DTNB: variants seen among roughly 807,000 people sequenced by gnomAD.
DTNB encodes dystrobrevin beta.
Under a neutral mutation model 90.7 loss-of-function variants are expected in DTNB, and 63 were observed. That is an observed-to-expected ratio of 0.69 (90% CI 0.57 to 0.86). The LOEUF (loss-of-function observed/expected upper bound fraction) is 0.86. Among genes scored for constraint, DTNB ranks in the 40% least tolerant of loss-of-function variants. DTNB has a pLI of 0.00. For missense variants in DTNB, 744 were observed against 807.1 expected, an observed-to-expected ratio of 0.92 and a Z score of 0.95; for synonymous variants, 277 against 286.7, an observed-to-expected ratio of 0.97 and a Z score of 0.34.
chr2:25,600,885 T>A (rs1004241312), intron 5 of DTNB, among the ~76,000 whole-genome samples: 23 of 152,174 alleles, frequency 1.5e-4, no homozygotes, highest in African/African-American at 5.5e-4. Context: ...TAATACAAAA[T>A]TTTTTATTCA....
chr2:25,606,289 A>G (rs2067090574), intron 5 of DTNB, among the ~76,000 whole-genome samples: 1 of 152,018 alleles, frequency 6.6e-6, no homozygotes, highest in Non-Finnish European at 1.5e-5. Context: ...TTAAGACTTC[A>G]GTCTCATCCC....
At chr2:25,420,726 G>A (rs1417344526) in intron 15 of DTNB, among the ~76,000 whole-genome samples, 4 of 152,058 alleles carry the variant, frequency 2.6e-5, no homozygotes, top group Non-Finnish European at 5.9e-5. Context: ...CAGGTGATCC[G>A]CCTACCTTGG....
chr2:25,516,853 T>G (rs2150749155), intron 9 of DTNB, among the ~76,000 whole-genome samples: 1 of 152,066 alleles, frequency 6.6e-6, no homozygotes, highest in South Asian at 2.1e-4. Context: ...ACCGTGCCAT[T>G]GCACTCCAGC....
intron 1 of DTNB, chr2:25,652,958 G>C (rs1391841278): frequency 4.2e-6 from 1 of 239,720 alleles, no homozygotes; most frequent in Non-Finnish European, 7.9e-6. Flanking sequence ...GCAGAGTCCT[G>C]GATTAGTTGA....
At chr2:25,557,600 C>G (rs1405260039) in intron 8 of DTNB, among the ~76,000 whole-genome samples, 1 of 152,124 alleles carries the variant, frequency 6.6e-6, no homozygotes, top group South Asian at 2.1e-4. Flanking sequence ...AAAAATAAAA[C>G]AAAGCAGATT....
intron 10 of DTNB, among the ~76,000 whole-genome samples, chr2:25,474,361 T>G (rs2063367354): frequency 1.3e-5 from 2 of 152,168 alleles, no homozygotes; most frequent in African/African-American, 4.8e-5. Flanking sequence ...CACAAAGACT[T>G]CATACATGCT....
intron 18 of DTNB, 46 bp from the exon 19 acceptor site, chr2:25,383,935 C>T (rs1196514074): frequency 6.2e-7 from 1 of 1,613,722 alleles, no homozygotes; most frequent in Non-Finnish European, 8.5e-7. Context: ...CGGCACAGGA[C>T]AAGTACAGAA....
intron 10 of DTNB, among the ~76,000 whole-genome samples, chr2:25,471,593 G>C (rs866336230): frequency 6.6e-6 from 1 of 151,964 alleles, no homozygotes. Flanking sequence ...ACAGGGTTTC[G>C]CTATGTTGGC....
chr2:25,419,843 A>C (rs1367969661), intron 15 of DTNB, among the ~76,000 whole-genome samples: 1 of 152,214 alleles, frequency 6.6e-6, no homozygotes, highest in Non-Finnish European at 1.5e-5. Context: ...TGACCTGCCT[A>C]AGGTTCACAT....
chr2:25,591,269 G>A (rs967106577), intron 6 of DTNB, among the ~76,000 whole-genome samples: 1 of 152,188 alleles, frequency 6.6e-6, no homozygotes, highest in African/African-American at 2.4e-5. Context: ...ACCGGCTGCA[G>A]CTGCGCCCAG....
At chr2:25,563,161 T>C (rs1412533988) in intron 8 of DTNB, among the ~76,000 whole-genome samples, 2 of 152,262 alleles carry the variant, frequency 1.3e-5, no homozygotes, top group African/African-American at 4.8e-5. Flanking sequence ...GTGTTAAGTA[T>C]GTTCACGTTG....
At chr2:25,668,660 G>C (rs1022416458) in intron 1 of DTNB, among the ~76,000 whole-genome samples, 1 of 152,226 alleles carries the variant, frequency 6.6e-6, no homozygotes, top group Non-Finnish European at 1.5e-5. Flanking sequence ...ATATGGGAAA[G>C]AGTGGGTATA....
At chr2:25,652,335 A>G (rs2081106196) in intron 2 of DTNB, among the ~76,000 whole-genome samples, 1 of 152,158 alleles carries the variant, frequency 6.6e-6, no homozygotes, top group African/African-American at 2.4e-5. Flanking sequence ...ATTGACTGGC[A>G]TGGTACAAAA....
chr2:25,383,650 G>A (rs764721340), intron 19 of DTNB, 186 bp downstream of exon 19: 51 of 1,289,976 alleles, frequency 4.0e-5, no homozygotes, highest in Admixed American at 1.3e-4. Context: ...CTTGGTGATC[G>A]ACTGACCTTG....
rs1293148551 is a variant in DTNB, at chr2:25,526,367, AT to A, written c.1001+5105del. Among the ~76,000 whole-genome samples, 6 of 54,562 alleles carry A rather than the reference AT, an allele frequency of 1.1e-4. No homozygotes were observed. The Admixed American group carries it at 1.2e-3, about 10-fold the overall frequency. The allele number at this position is 54,562 out of a possible 152,430, so 35.8% of individuals were successfully genotyped here. A position where few individuals can be genotyped will look rare whatever the true frequency, so the allele number is the denominator to read the frequency against. ...AGCACTTATAAATATATATAAATAT[AT>A]ATATATATATATATATATATATATA... On this transcript the variant is annotated intron_variant, in intron 9 of 20. Transcript: ENST00000406818.
chr2:25,455,512 AAAGAC>A lies in DTNB; in HGVS notation c.1080-23_1080-19del. On this transcript the variant is annotated intron_variant, in intron 10 of 20. Coordinates refer to ENST00000406818, the MANE Select transcript of DTNB (RefSeq NM_021907.5). ...ACTGTAACCTAGGAACAATGGAGGC[AAAGAC>A]AGCAAGCGTGACACAAACACATACA... 6.3e-7 allele frequency: 1 copy of A among 1,594,682 alleles called. No individual in the cohort carries two copies. Among genetic ancestry groups the A allele is most frequent in the Non-Finnish European group, 8.5e-7 (1 of 1,169,712 alleles).
At chr2:25,483,297 G>C (rs944312919) in intron 9 of DTNB, among the ~76,000 whole-genome samples, 2 of 152,146 alleles carry the variant, frequency 1.3e-5, no homozygotes, top group Admixed American at 6.5e-5. Context: ...AAGATTACTA[G>C]GTGTCTGGCA....
intron 2 of DTNB, among the ~76,000 whole-genome samples, chr2:25,645,281 G>A (rs2079169383): frequency 6.6e-6 from 1 of 151,456 alleles, no homozygotes; most frequent in African/African-American, 2.4e-5. Flanking sequence ...TACTTGAGAG[G>A]GTGAGGCATG....
intron 3 of DTNB, 88 bp from the exon 4 acceptor site, chr2:25,628,472 T>C: frequency 7.9e-7 from 1 of 1,270,508 alleles, no homozygotes. Flanking sequence ...CAACTAGTTC[T>C]TAAGTTTAAA....
Sources: allele counts gnomAD v4.1 joint callset (sites outside exome capture counted in the v4.1 genomes callset), GRCh38; gene constraint gnomAD v4.1.1; transcripts MANE v1.5; gene names NCBI Gene and HGNC (gene_info 2026-07-23, HGNC 2026-07-21).